PPP1R3A: variants seen among roughly 807,000 people sequenced by gnomAD.
The protein encoded by PPP1R3A is protein phosphatase 1 regulatory subunit 3A, also known as RG1.
A neutral mutation model predicts 41.7 loss-of-function variants in PPP1R3A; 29 were observed. The ratio of observed to expected loss-of-function variants is 0.70; its 90% CI spans 0.52 to 0.95. The LOEUF is 0.95. Among genes scored for constraint, PPP1R3A ranks in the 40% least tolerant of loss-of-function variants. The probability of loss-of-function intolerance (pLI) is 0.00; values close to 1 mark genes in which losing one functional copy is unlikely to be tolerated. For missense variants in PPP1R3A, 1,352 were observed against 1,292.4 expected, an observed-to-expected ratio of 1.05 and a Z score of -0.71; for synonymous variants, 485 against 453.4, an observed-to-expected ratio of 1.07 and a Z score of -0.89.
At chr7:113,901,605 T>A (rs544801976) in intron 1 of PPP1R3A, among the ~76,000 whole-genome samples, 1 of 151,940 alleles carries the variant, frequency 6.6e-6, no homozygotes, top group South Asian at 2.1e-4. Context: ...GCTTTTTTCA[T>A]TTTCTTTAAT....
chr7:113,879,742 T>C lies in PPP1R3A; in HGVS notation c.1350A>G (p.Thr450=). 1 of 1,613,340 alleles carries C rather than the reference T, an allele frequency of 6.2e-7. No individual in the cohort carries two copies. The highest frequency in any genetic ancestry group is 8.5e-7 in the Non-Finnish European group (1 of 1,179,678). ...DNANPAHGNG[T]VQIPCPSSDQ... is the part of the protein sequence containing the mutation. ...CTGAAGAGGGGCAAGGTATTTGCACTGTGCCATTGCCATGGGCTGGATTAG... is the reference window on the plus strand; with the variant it reads ...CTGAAGAGGGGCAAGGTATTTGCACCGTGCCATTGCCATGGGCTGGATTAG... Residue 450 remains threonine, a synonymous_variant, in exon 4 of 4, where the codon ACA becomes ACG. Coordinates refer to ENST00000284601, the MANE Select transcript of PPP1R3A (RefSeq NM_002711.4).
Position 113,879,913 on chromosome 7 carries a change from T to C in PPP1R3A, c.1179A>G (p.Lys393=), listed in dbSNP as rs938290015. Residue 393 remains lysine (K), a synonymous_variant, in exon 4 of 4, where the codon AAA becomes AAG. Transcript: ENST00000284601. ...GTGTACAGTCATCTCCTGAGGAATATTTTTCATTGCAGTAAAAATCTCCCT... is the reference window on the plus strand; with the variant it reads ...GTGTACAGTCATCTCCTGAGGAATACTTTTCATTGCAGTAAAAATCTCCCT... The part of the protein sequence containing the change: ...SVKGDFYCNE[K]YSSGDDCTHQ... 7 of 1,613,472 alleles carry C rather than the reference T, an allele frequency of 4.3e-6. No homozygotes were observed. Among genetic ancestry groups the C allele is most frequent in the Non-Finnish European group, 5.1e-6 (6 of 1,179,684 alleles).
At chr7:113,917,863 G>A (rs967111120) in intron 1 of PPP1R3A, among the ~76,000 whole-genome samples, 18 of 151,936 alleles carry the variant, frequency 1.2e-4, no homozygotes, top group African/African-American at 2.9e-4. Flanking sequence ...ATTTAAAAAC[G>A]ACTGAAAATA....
intron 1 of PPP1R3A, among the ~76,000 whole-genome samples, chr7:113,917,570 T>C (rs925558150): frequency 6.6e-6 from 1 of 152,106 alleles, no homozygotes; most frequent in African/African-American, 2.4e-5. Flanking sequence ...TACTAAATTA[T>C]ACTAATTTGT....
At chr7:113,886,906 C>T (rs895383309) in intron 1 of PPP1R3A, among the ~76,000 whole-genome samples, 3 of 152,088 alleles carry the variant, frequency 2.0e-5, no homozygotes, top group African/African-American at 7.2e-5. Context: ...TCTCATTTCA[C>T]CTTTATGTTC....
chr7:113,880,560 G>C (rs1042379887), intron 3 of PPP1R3A, among the ~76,000 whole-genome samples: 2 of 151,960 alleles, frequency 1.3e-5, no homozygotes, highest in African/African-American at 4.8e-5. Context: ...CAAAGCCTCT[G>C]CAAACTATTA....
intron 1 of PPP1R3A, among the ~76,000 whole-genome samples, chr7:113,898,553 C>T (rs1797012446): frequency 6.6e-6 from 1 of 151,768 alleles, no homozygotes; most frequent in South Asian, 2.1e-4. Context: ...ACAATTTTCT[C>T]TTTGACCAAA....
Position 113,877,828 on chromosome 7 carries a change from A to C in PPP1R3A, c.3264T>G (p.Thr1088=), listed in dbSNP as rs745661180. ...YFLLFLIFLI[T]VYHYDLMIGL... ...CAATCATTAAGTCATAATGGTAGACAGTTATAAGAAATATCAGAAACAAAA... is the reference window on the plus strand; with the variant it reads ...CAATCATTAAGTCATAATGGTAGACCGTTATAAGAAATATCAGAAACAAAA... Residue 1088 remains threonine (T), a synonymous_variant, in exon 4 of 4, where the codon ACT becomes ACG. Transcript: ENST00000284601. The C allele has an allele frequency of 3.7e-6, 6 of 1,608,854 alleles. No homozygotes were observed. The South Asian group carries it at 5.5e-5, about 15-fold the overall frequency.
At chr7:113,907,833 C>T (rs931089308) in intron 1 of PPP1R3A, among the ~76,000 whole-genome samples, 8 of 151,750 alleles carry the variant, frequency 5.3e-5, no homozygotes, top group South Asian at 4.1e-4. Flanking sequence ...ATATAGAGGG[C>T]GTTGTGGCAA....
chr7:113,879,022 A>C lies in PPP1R3A; in HGVS notation c.2070T>G (p.Asp690Glu), dbSNP rs1796629733. 6 of 1,613,488 alleles carry C rather than the reference A, an allele frequency of 3.7e-6. No individual in the cohort carries two copies. Among genetic ancestry groups the C allele is most frequent in the South Asian group, 1.1e-5 (1 of 91,074 alleles). Residue 690 changes from aspartate to glutamate, a missense_variant, in exon 4 of 4, where the codon GAT (aspartate) becomes GAG (glutamate). Asp to Glu is a conservative substitution (Grantham distance 45). Transcript: ENST00000284601. ...TDCEDVWGKR[D>E]NTRSLKATTE... The stretch of plus-strand genomic sequence containing the variant: ...TAGTAGCTTTCAAACTCCTCGTATT[A>C]TCTCTTTTTCCCCACACGTCTTCAC...
In PPP1R3A at chr7:113,897,388, G is replaced by C. The variant is rs1193953072; in HGVS notation, c.783-15068C>G. On this transcript the variant is annotated intron_variant, in intron 1 of 3. Coordinates refer to ENST00000284601, the MANE Select transcript of PPP1R3A (RefSeq NM_002711.4). ...GGTAATATGTTTTAGAATAAATTAT[G>C]CTTACTAACATGATTATCACAAGCA... is the stretch of plus-strand genomic sequence containing the variant. 2.0e-5 allele frequency among the ~76,000 whole-genome samples: 3 copies of C among 151,512 alleles called. No homozygotes were observed. In the East Asian group the frequency reaches 5.8e-4, roughly 30 times the overall value.
rs1413350688 is a variant in PPP1R3A, at chr7:113,882,249, T to A, written c.841+13A>T. The A allele has an allele frequency of 2.0e-6, 3 of 1,531,508 alleles. No individual in the cohort carries two copies. The highest frequency in any genetic ancestry group is 2.7e-6 in the Non-Finnish European group (3 of 1,106,642). 94.9% of individuals were successfully genotyped at this position (1,531,508 alleles called of 1,614,324 possible). Reference sequence around the variant, plus strand: ...GAGACAAATTTGGTTTTAAAATTAATGAAGAATATTACCTGTATTCTTTGG... The same window carrying A: ...GAGACAAATTTGGTTTTAAAATTAAAGAAGAATATTACCTGTATTCTTTGG... On this transcript the variant is annotated intron_variant, in intron 2 of 3. Transcript: ENST00000284601.
At chr7:113,888,399 AAG>A (rs1327553858) in intron 1 of PPP1R3A, among the ~76,000 whole-genome samples, 1 of 152,132 alleles carries the variant, frequency 6.6e-6, no homozygotes, top group Non-Finnish European at 1.5e-5. Context: ...TTAATGAAGA[AAG>A]AGAAAAAGAA....
Position 113,888,409 on chromosome 7 carries a change from G to T in PPP1R3A, c.783-6089C>A, listed in dbSNP as rs1232460107. On this transcript the variant is annotated intron_variant, in intron 1 of 3. Transcript: ENST00000284601. ...TACTATTAATGAAGAAAGAGAAAAA[G>T]AACCAAATATGAGTTTTAATTTTTG... Among the ~76,000 whole-genome samples, 5 of 152,244 alleles carry T rather than the reference G, an allele frequency of 3.3e-5. No individual in the cohort carries two copies. The South Asian group carries it at 1.0e-3, about 32-fold the overall frequency.
intron 1 of PPP1R3A, among the ~76,000 whole-genome samples, chr7:113,889,088 A>T (rs2129116046): frequency 6.6e-6 from 1 of 152,282 alleles, no homozygotes; most frequent in South Asian, 2.1e-4. Flanking sequence ...ATAGAGAATG[A>T]TGGTGCTAAA....
In PPP1R3A at chr7:113,877,673, T is replaced by C. The variant is rs750720694; in HGVS notation, c.*50A>G. 4 of 1,497,726 alleles carry C rather than the reference T, an allele frequency of 2.7e-6. No individual in the cohort carries two copies. Among genetic ancestry groups the C allele is most frequent in the Non-Finnish European group, 3.6e-6 (4 of 1,119,072 alleles). 92.8% of individuals were successfully genotyped at this position (1,497,726 alleles called of 1,614,324 possible). On this transcript the variant is annotated 3_prime_UTR_variant, in exon 4 of 4. Coordinates refer to ENST00000284601, the MANE Select transcript of PPP1R3A (RefSeq NM_002711.4). Reference sequence around the variant, plus strand: ...GAATAGTCCCATTCACCAATCCAAATGTTTGGGGTTAAATAGCTTATCTTT... The same window carrying C: ...GAATAGTCCCATTCACCAATCCAAACGTTTGGGGTTAAATAGCTTATCTTT...
intron 1 of PPP1R3A, among the ~76,000 whole-genome samples, chr7:113,902,189 G>T (rs931830193): frequency 1.3e-5 from 2 of 151,548 alleles, no homozygotes; most frequent in Admixed American, 6.6e-5. Context: ...GGAGTGGAGG[G>T]GCACAATCAT....
chr7:113,914,709 T>C (rs1163003979), intron 1 of PPP1R3A, among the ~76,000 whole-genome samples: 2 of 152,120 alleles, frequency 1.3e-5, no homozygotes, highest in African/African-American at 2.4e-5. Flanking sequence ...CCAGACACTG[T>C]GCTAAAAGTT....
intron 1 of PPP1R3A, among the ~76,000 whole-genome samples, chr7:113,883,394 A>G (rs1266067090): frequency 6.6e-6 from 1 of 152,032 alleles, no homozygotes; most frequent in East Asian, 1.9e-4. Flanking sequence ...TTTTATATTC[A>G]CAAATCATGA....
Sources: gnomAD v4.1 joint callset for allele counts (sites outside exome capture counted in the v4.1 genomes callset) on GRCh38, gnomAD v4.1.1 for gene constraint, MANE v1.5 for transcripts, NCBI Gene and HGNC (gene_info 2026-07-23, HGNC 2026-07-21) for gene names.